The following CHL1 variants were observed in gnomAD, a reference collection of about 807,000 sequenced individuals.
The protein encoded by CHL1 is neural cell adhesion molecule L1-like protein.
CHL1 carries 96 observed loss-of-function variants against 141.9 expected under a neutral mutation model. That is an observed-to-expected ratio of 0.68 (90% CI 0.57 to 0.80). The LOEUF (loss-of-function observed/expected upper bound fraction) is 0.80. CHL1 is among the 30% of genes least tolerant of loss of function. The pLI is 0.00. For missense variants in CHL1, 1,820 were observed against 1,457.2 expected (o/e 1.25, Z -4.05); for synonymous variants, 613 against 502.2 (o/e 1.22, Z -2.95).
At chr3:391,289 A>T in intron 22 of CHL1, 130 bp downstream of exon 22, 2 of 702,140 alleles carry the variant, frequency 2.8e-6, no homozygotes, top group Admixed American at 5.4e-5. Context: ...GCCAAGGCAG[A>T]TGGATCACTT....
rs115231278 is a variant in CHL1, at chr3:212,386, T to C, written c.-175+15323T>C. Among the ~76,000 whole-genome samples, 1,166 of 152,278 alleles carry C rather than the reference T, an allele frequency of 7.7e-3. 10 individuals carry two copies. The highest frequency in any genetic ancestry group is 0.01 in the Non-Finnish European group (684 of 68,022). ...GTATGTCCTTTGTCTGCTTTTACAC[T>C]ACCATAAAGCCTGCTTCAACTTTCC... On this transcript the variant is annotated intron_variant, in intron 1 of 27. Coordinates refer to ENST00000256509, the MANE Select transcript of CHL1 (RefSeq NM_006614.4).
At chr3:401,112 G>T (rs1373860973) in intron 26 of CHL1, among the ~76,000 whole-genome samples, 1 of 152,002 alleles carries the variant, frequency 6.6e-6, no homozygotes, top group Non-Finnish European at 1.5e-5. Flanking sequence ...TTGTTGCCCA[G>T]GCTGGTTTCA....
intron 16 of CHL1, 92 bp downstream of exon 16, chr3:378,034 G>A (rs1448404144): frequency 2.5e-5 from 28 of 1,129,974 alleles, no homozygotes; most frequent in Admixed American, 2.8e-5. Context: ...GATTCTTTGA[G>A]CCCCTGCACA....
At chr3:197,773 G>A (rs919805079) in intron 1 of CHL1, 1 of 455,854 alleles carries the variant, frequency 2.2e-6, no homozygotes. Context: ...CGCGCCGGGG[G>A]CCGTGGTTGC....
At chr3:354,610 T>TA in intron 10 of CHL1, 30 bp from the exon 11 acceptor site, 1 of 1,579,810 alleles carries the variant, frequency 6.3e-7, no homozygotes, top group Non-Finnish European at 8.6e-7. Context: ...ATAGATAACA[T>TA]CTCTCATGAG....
At position 366,236 on chromosome 3, in the gene CHL1, C is replaced by T. The variant is rs1181522487; in HGVS notation, c.1751+121C>T. The stretch of plus-strand genomic sequence containing the variant: ...TTGTAATCCCAGCACTTTGGGAGAC[C>T]GAGGCGAGTGGATCACTTGAGGTCA... On this transcript the variant is annotated intron_variant, in intron 15 of 27. Coordinates refer to ENST00000256509, the MANE Select transcript of CHL1 (RefSeq NM_006614.4). 28 of 870,458 alleles carry T rather than the reference C, an allele frequency of 3.2e-5. No homozygotes were observed. In the East Asian group the frequency reaches 5.6e-4, roughly 18 times the overall value. 53.9% of individuals were successfully genotyped at this position (870,458 alleles called of 1,614,324 possible).
chr3:308,276 G>T (rs752740773), intron 2 of CHL1, among the ~76,000 whole-genome samples: 2 of 152,180 alleles, frequency 1.3e-5, no homozygotes, highest in Non-Finnish European at 2.9e-5. Context: ...GATTTATTAT[G>T]TGTATTTCCT....
intron 15 of CHL1, among the ~76,000 whole-genome samples, chr3:374,710 T>A (rs1195512626): frequency 6.6e-6 from 1 of 152,168 alleles, no homozygotes; most frequent in Non-Finnish European, 1.5e-5. Context: ...CAAGGAAGCC[T>A]GGGAGTAACT....
chr3:255,189 G>C (rs565798758), intron 2 of CHL1, among the ~76,000 whole-genome samples: 1 of 152,140 alleles, frequency 6.6e-6, no homozygotes, highest in Non-Finnish European at 1.5e-5. Context: ...TCAAACAGTG[G>C]TTGCATTCTG....
chr3:405,288 T>A (rs913691421), intron 27 of CHL1, among the ~76,000 whole-genome samples: 1 of 152,188 alleles, frequency 6.6e-6, no homozygotes, highest in Non-Finnish European at 1.5e-5. Flanking sequence ...TGGTGGAAAT[T>A]GCTTATGACT....
At chr3:397,440 A>G (rs1708767766) in intron 24 of CHL1, among the ~76,000 whole-genome samples, 1 of 152,120 alleles carries the variant, frequency 6.6e-6, no homozygotes, top group Non-Finnish European at 1.5e-5. Flanking sequence ...TAGTCTCAGT[A>G]AGAAACATAT....
intron 9 of CHL1, among the ~76,000 whole-genome samples, chr3:347,982 A>G (rs1702907937): frequency 2.0e-5 from 3 of 152,240 alleles, no homozygotes; most frequent in Admixed American, 1.3e-4. Flanking sequence ...TTTTGCATAA[A>G]TAACTGAATT....
chr3:223,270 CAAT>C (rs1701020174), intron 1 of CHL1, among the ~76,000 whole-genome samples: 1 of 152,140 alleles, frequency 6.6e-6, no homozygotes, highest in Non-Finnish European at 1.5e-5. Context: ...TGATATAAAA[CAAT>C]GATACTTAAG....
At chr3:402,242 A>G (rs1286665568) in intron 27 of CHL1, among the ~76,000 whole-genome samples, 1 of 152,238 alleles carries the variant, frequency 6.6e-6, no homozygotes, top group Non-Finnish European at 1.5e-5. Flanking sequence ...ATAAGAGATA[A>G]GCTAAGCCTT....
chr3:378,187 A>G (rs1455747355), intron 16 of CHL1, among the ~76,000 whole-genome samples: 5 of 152,150 alleles, frequency 3.3e-5, no homozygotes, highest in Admixed American at 2.0e-4. Context: ...GAGGTAAGTG[A>G]TGCTATCCGC....
chr3:227,876 A>G (rs1200292905), intron 1 of CHL1, among the ~76,000 whole-genome samples: 2 of 152,188 alleles, frequency 1.3e-5, no homozygotes, highest in Non-Finnish European at 2.9e-5. Context: ...AAGGAAGCCC[A>G]GAAATGCCTG....
intron 2 of CHL1, among the ~76,000 whole-genome samples, chr3:314,343 A>C (rs992393705): frequency 0.045 from 2,991 of 67,168 alleles, 251 homozygotes; most frequent in African/African-American, 0.17. Flanking sequence ...ATATATATAT[A>C]TATATATATA....
At chr3:314,178 A>G (rs555724289) in intron 2 of CHL1, among the ~76,000 whole-genome samples, 10 of 151,710 alleles carry the variant, frequency 6.6e-5, no homozygotes, top group African/African-American at 2.4e-4. Context: ...CTGCTGTTGA[A>G]ATATTTTAGG....
At chr3:296,559 G>C (rs551734494) in intron 2 of CHL1, among the ~76,000 whole-genome samples, 2 of 152,252 alleles carry the variant, frequency 1.3e-5, no homozygotes, top group Non-Finnish European at 2.9e-5. Context: ...CAGAGGAAAA[G>C]AGGCTTTGGA....
Sources: allele counts gnomAD v4.1 joint callset (sites outside exome capture counted in the v4.1 genomes callset), GRCh38; gene constraint gnomAD v4.1.1; transcripts MANE v1.5; gene names NCBI Gene and HGNC (gene_info 2026-07-23, HGNC 2026-07-21).